CMYA5: variants seen among roughly 807,000 people sequenced by gnomAD.
CMYA5 encodes cardiomyopathy-associated protein 5.
In CMYA5, 246 loss-of-function variants were observed where a neutral mutation model predicts 318.9. The ratio of observed to expected loss-of-function variants is 0.77; its 90% CI spans 0.70 to 0.86. The LOEUF (loss-of-function observed/expected upper bound fraction) is 0.86, where lower values mean the gene tolerates loss of function less well. CMYA5 is among the 40% of genes least tolerant of loss of function. CMYA5 has a pLI of 0.00. For missense variants in CMYA5, 4,589 were observed against 4,678.2 expected (o/e 0.98, Z 0.56); for synonymous variants, 1,641 against 1,729.5 (o/e 0.95, Z 1.27).
At chr5:79,768,373 T>G (rs1014682372) in intron 9 of CMYA5, among the ~76,000 whole-genome samples, 2 of 152,200 alleles carry the variant, frequency 1.3e-5, no homozygotes, top group African/African-American at 4.8e-5. Flanking sequence ...GCCTGTTAGT[T>G]GATGTAGTTT....
rs1214645702 is a variant in CMYA5 at position 79,736,078 on chromosome 5, C to T, written c.7313C>T (p.Ser2438Phe). The change falls in exon 2 of 13, where the codon TCC (serine) becomes TTC (phenylalanine). Residue 2438 changes from serine to phenylalanine, a missense_variant. Ser to Phe is a radical substitution (Grantham distance 155). Transcript: ENST00000446378. ...AAGAAAGAAATGCAAAATCCTACTT[C>T]CTTGAAAATTTCTGAAGAGGAAACA... Reference protein sequence around the residue: ...RLKKEMQNPTSLKISEEETKL... With the variant: ...RLKKEMQNPTFLKISEEETKL... 6.2e-7 allele frequency: 1 copy of T among 1,612,272 alleles called. No individual in the cohort carries two copies. Among genetic ancestry groups the T allele is most frequent in the Non-Finnish European group, 8.5e-7 (1 of 1,179,508 alleles).
At chr5:79,745,756 C>T (rs775608060) in intron 4 of CMYA5, among the ~76,000 whole-genome samples, 13 of 152,128 alleles carry the variant, frequency 8.5e-5, no homozygotes, top group Non-Finnish European at 1.8e-4. Flanking sequence ...GGGAAAGAAG[C>T]CTTGTTCCTG....
rs1208702324 is a variant in CMYA5 at position 79,729,586 on chromosome 5, A to G, written c.821A>G (p.Asp274Gly). 1.2e-6 allele frequency: 2 copies of G among 1,613,534 alleles called. No individual in the cohort carries two copies. The highest frequency in any genetic ancestry group is 1.7e-5 in the Admixed American group (1 of 60,022). ...TCCATTAGTCTAGAGCCAGATTTGG[A>G]CAATAGTGGTTCTAATACAGTGTCC... ...DASISLEPDLDNSGSNTVSKT... is the reference protein window; with the variant it reads ...DASISLEPDLGNSGSNTVSKT... Residue 274 changes from aspartate (D) to glycine (G), a missense_variant, in exon 2 of 13, where the codon GAC becomes GGC. By Grantham distance (94) the Asp-to-Gly change is moderately conservative. Coordinates refer to ENST00000446378, the MANE Select transcript of CMYA5 (RefSeq NM_153610.5).
rs903764674 is a variant in CMYA5 at position 79,745,408 on chromosome 5, A to G, written c.10921A>G (p.Thr3641Ala). ...GGACACTGCCAAAGACACCCTGGAGACCATCGTGAGAGAAGCAGAGGAGCT... is the reference window on the plus strand; with the variant it reads ...GGACACTGCCAAAGACACCCTGGAGGCCATCGTGAGAGAAGCAGAGGAGCT... ...SMDTAKDTLE[T>A]IVREAEELDE... The change falls in exon 4 of 13, where the codon ACC becomes GCC. Residue 3641 changes from threonine to alanine, a missense_variant. Physicochemically the swap from Thr to Ala is moderately conservative, Grantham distance 58. Around this residue, in one of 3 missense-constraint regions of CMYA5, gnomAD observed 2,431 missense variants for 2,495.1 expected, o/e 0.97. Coordinates refer to ENST00000446378, the MANE Select transcript of CMYA5 (RefSeq NM_153610.5). 1.2e-6 allele frequency: 2 copies of G among 1,613,960 alleles called. No individual in the cohort carries two copies. The highest frequency in any genetic ancestry group is 1.7e-6 in the Non-Finnish European group (2 of 1,179,854).
chr5:79,709,566 A>G (rs1561630099), intron 1 of CMYA5, among the ~76,000 whole-genome samples: 1 of 152,042 alleles, frequency 6.6e-6, no homozygotes, highest in Non-Finnish European at 1.5e-5. Context: ...TCATGACTGT[A>G]TAGAGGATGA....
chr5:79,748,226 T>G (rs1280284438), intron 5 of CMYA5, among the ~76,000 whole-genome samples: 1 of 151,552 alleles, frequency 6.6e-6, no homozygotes, highest in Non-Finnish European at 1.5e-5. Context: ...TGAGCATTTT[T>G]AAGGCTTCCT....
Position 79,761,884 on chromosome 5 carries a change from C to T in CMYA5, c.11334C>T (p.Cys3778=). Residue 3778 remains cysteine (C), a synonymous_variant, in exon 8 of 13, where the codon TGC becomes TGT. Coordinates refer to ENST00000446378, the MANE Select transcript of CMYA5 (RefSeq NM_153610.5). ...TTGAAGATCTGGAACCTGACCGATG[C>T]TATCAAGTGTGGGTGATGGCTGTGA... ...CIFEDLEPDR[C]YQVWVMAVNF... is the part of the protein sequence containing the mutation. The T allele has an allele frequency of 6.2e-7, 1 of 1,613,730 alleles. No homozygotes were observed. Among genetic ancestry groups the T allele is most frequent in the Non-Finnish European group, 8.5e-7 (1 of 1,179,774 alleles).
chr5:79,773,889 A>G (rs994892728), intron 9 of CMYA5, among the ~76,000 whole-genome samples: 3 of 152,246 alleles, frequency 2.0e-5, no homozygotes, highest in Admixed American at 6.5e-5. Flanking sequence ...ATGGTGTAGG[A>G]AGACAAGTTG....
In CMYA5 at chr5:79,737,187, C is replaced by T. The variant is rs921567140; in HGVS notation, c.8422C>T (p.Pro2808Ser). 1.8e-5 allele frequency: 29 copies of T among 1,613,368 alleles called. No homozygotes were observed. Among genetic ancestry groups the T allele is most frequent in the Non-Finnish European group, 2.4e-5 (28 of 1,179,714 alleles). Residue 2808 changes from proline to serine, a missense_variant, in exon 2 of 13, where the codon CCG (proline) becomes TCG (serine). Around this residue, in one of 3 missense-constraint regions of CMYA5, gnomAD observed 2,431 missense variants for 2,495.1 expected, o/e 0.97. Coordinates refer to ENST00000446378, the MANE Select transcript of CMYA5 (RefSeq NM_153610.5). ...TGATGAAACTAAGAGCTCAGAAACA[C>T]CGCCATATTTGCTGTCACCTGTAAA... ...PFDETKSSET[P>S]PYLLSPVKPQ...
In CMYA5 at chr5:79,738,704, C is replaced by T. The variant is rs373289361; in HGVS notation, c.9939C>T (p.Thr3313=). ...GAGAATCAGTAGACCATGTGGAGAC[C>T]GTTGGTAACGTAGCGATGCAGAAGA... ...GEGESVDHVE[T]VGNVAMQKKA... The change falls in exon 2 of 13, where the codon ACC becomes ACT. Residue 3313 remains threonine, a synonymous_variant. Coordinates refer to ENST00000446378, the MANE Select transcript of CMYA5 (RefSeq NM_153610.5). 3.7e-6 allele frequency: 6 copies of T among 1,613,708 alleles called. No homozygotes were observed. The highest frequency in any genetic ancestry group is 2.2e-5 in the East Asian group (1 of 44,886).
chr5:79,712,529 A>G (rs1460137484), intron 1 of CMYA5, among the ~76,000 whole-genome samples: 1 of 151,970 alleles, frequency 6.6e-6, no homozygotes, highest in Non-Finnish European at 1.5e-5. Flanking sequence ...TTTTCTTCTT[A>G]AAAAATGACA....
intron 1 of CMYA5, among the ~76,000 whole-genome samples, chr5:79,703,519 C>G (rs936197828): frequency 6.6e-6 from 1 of 152,174 alleles, no homozygotes; most frequent in Admixed American, 6.5e-5. Flanking sequence ...GAATTTAATT[C>G]CTTCTAAAGC....
chr5:79,733,615 A>G lies in CMYA5; in HGVS notation c.4850A>G (p.Glu1617Gly). Residue 1617 changes from glutamate (E) to glycine (G), a missense_variant, in exon 2 of 13, where the codon GAG becomes GGG. Glu to Gly is a moderately conservative substitution (Grantham distance 98). Coordinates refer to ENST00000446378, the MANE Select transcript of CMYA5 (RefSeq NM_153610.5). ...PSEKQDVALA[E>G]LSLEPEKKDK... Reference sequence around the variant, plus strand: ...GAAAAACAAGATGTTGCTTTGGCAGAGCTGTCTTTGGAACCTGAGAAGAAA... The same window carrying G: ...GAAAAACAAGATGTTGCTTTGGCAGGGCTGTCTTTGGAACCTGAGAAGAAA... The G allele has an allele frequency of 1.9e-6, 3 of 1,613,542 alleles. No individual in the cohort carries two copies. In the South Asian group the frequency reaches 3.3e-5, roughly 18 times the overall value.
intron 9 of CMYA5, among the ~76,000 whole-genome samples, chr5:79,774,662 C>T (rs1828909072): frequency 6.6e-6 from 1 of 152,180 alleles, no homozygotes; most frequent in Non-Finnish European, 1.5e-5. Context: ...CCGGGGCCAT[C>T]CTCCAGGGCA....
At chr5:79,745,599 G>T (rs145097834) in intron 4 of CMYA5, 144 bp downstream of exon 4, 1 of 664,152 alleles carries the variant, frequency 1.5e-6, no homozygotes, top group African/African-American at 1.8e-5. Context: ...CATTATTTGG[G>T]CATGCCTGAT....
At chr5:79,755,381 G>A (rs572254733) in intron 6 of CMYA5, among the ~76,000 whole-genome samples, 7 of 152,204 alleles carry the variant, frequency 4.6e-5, no homozygotes, top group Admixed American at 2.0e-4. Flanking sequence ...CCGCCTCCCG[G>A]GTTCAAGCCA....
intron 9 of CMYA5, among the ~76,000 whole-genome samples, chr5:79,782,501 A>G (rs1456700647): frequency 1.0e-4 from 1 of 9,580 alleles, no homozygotes; most frequent in Non-Finnish European, 1.4e-4. Flanking sequence ...TGATCTGTCT[A>G]ATGTTGACAG....
rs1826977050 is a variant in CMYA5 at position 79,691,931 on chromosome 5, G to A, written c.149+1875G>A. ...AAACTGAAGGGCATGGGGGCTTCTA[G>A]GTTATAGGTAGGTTTAAGTTTTTTC... is the stretch of plus-strand genomic sequence containing the variant. On this transcript the variant is annotated intron_variant, in intron 1 of 12. Coordinates refer to ENST00000446378, the MANE Select transcript of CMYA5 (RefSeq NM_153610.5). Among the ~76,000 whole-genome samples the A allele has an allele frequency of 2.6e-5, 4 of 152,304 alleles. No homozygotes were observed. The South Asian group carries it at 8.3e-4, about 32-fold the overall frequency.
intron 2 of CMYA5, among the ~76,000 whole-genome samples, chr5:79,742,992 G>T (rs1828247601): frequency 6.6e-6 from 1 of 152,092 alleles, no homozygotes. Flanking sequence ...CCATATGAAG[G>T]CACACAGATG....
Sources: allele counts gnomAD v4.1 joint callset (sites outside exome capture counted in the v4.1 genomes callset), GRCh38; gene constraint gnomAD v4.1.1; regional missense constraint gnomAD v4.1.1; transcripts MANE v1.5; gene names NCBI Gene and HGNC (gene_info 2026-07-23, HGNC 2026-07-21).